The following PDE4DIP variants were observed in gnomAD, a reference collection of about 807,000 sequenced individuals.
PDE4DIP encodes phosphodiesterase 4D interacting protein.
Under a neutral mutation model 221.4 loss-of-function variants are expected in PDE4DIP, and 59 were observed. The observed-to-expected ratio is 0.27, with a 90% CI of 0.22 to 0.33. The LOEUF (loss-of-function observed/expected upper bound fraction) is 0.33. Among genes scored for constraint, PDE4DIP ranks in the 10% least tolerant of loss-of-function variants. The probability of loss-of-function intolerance (pLI) is 1.00; values close to 1 mark genes in which losing one functional copy is unlikely to be tolerated. For synonymous variants in PDE4DIP, 404 were observed against 815.9 expected (o/e 0.50, Z 8.60); for missense variants, 1,036 against 2,154.2 (o/e 0.48, Z 10.28).
intron 21 of PDE4DIP, chr1:148,986,114 C>G (rs1553549314): frequency 6.6e-6 from 1 of 152,146 alleles, no homozygotes; most frequent in Admixed American, 6.5e-5. Flanking sequence ...CATAACTTCA[C>G]GCTTGAACCT....
chr1:148,983,063 C>A, intron 21 of PDE4DIP: 1 of 152,170 alleles, frequency 6.6e-6, no homozygotes, highest in African/African-American at 2.4e-5. Flanking sequence ...AAAAAGGAGT[C>A]ATTTAAGGAA....
At chr1:148,818,642 T>C (rs587641898) in intron 1 of PDE4DIP, among the ~76,000 whole-genome samples, 8 of 8,310 alleles carry the variant, frequency 9.6e-4, no homozygotes, top group Admixed American at 1.2e-3. Context: ...GATATACCGA[T>C]CAGTATTCAG....
At chr1:148,934,762 C>G (rs1411435266) in intron 4 of PDE4DIP, among the ~76,000 whole-genome samples, 3 of 151,808 alleles carry the variant, frequency 2.0e-5, no homozygotes, top group East Asian at 4.0e-4. Context: ...CACCACCACG[C>G]CCAGCTAATT....
chr1:148,859,125 T>C, intron 1 of PDE4DIP, among the ~76,000 whole-genome samples: 1 of 36,562 alleles, frequency 2.7e-5, no homozygotes, highest in Admixed American at 3.1e-4. Context: ...TAAATGAAAC[T>C]ACCATTCTTA....
chr1:148,935,006 G>A (rs587605185), intron 4 of PDE4DIP, among the ~76,000 whole-genome samples: 4 of 151,964 alleles, frequency 2.6e-5, no homozygotes, highest in African/African-American at 7.2e-5. Flanking sequence ...GGCGGATCAC[G>A]AGATTAAGAC....
intron 19 of PDE4DIP, 54 bp downstream of exon 22, chr1:148,978,469 T>TC: frequency 2.4e-6 from 2 of 842,240 alleles, no homozygotes; most frequent in Admixed American, 3.1e-5. Flanking sequence ...TTTGTATTCT[T>TC]TTTTTTTTTT....
intron 5 of PDE4DIP, among the ~76,000 whole-genome samples, chr1:148,955,881 TG>T (rs1325809625): frequency 2.6e-5 from 4 of 151,486 alleles, no homozygotes; most frequent in Admixed American, 2.0e-4. Context: ...AATTAGGAGG[TG>T]GGAGAAAATG....
intron 21 of PDE4DIP, among the ~76,000 whole-genome samples, chr1:148,986,653 CGAA>C (rs1311724877): frequency 6.6e-6 from 1 of 152,022 alleles, no homozygotes; most frequent in Non-Finnish European, 1.5e-5. Flanking sequence ...TTTCTCCTCT[CGAA>C]GAAGTGAGAC....
chr1:149,029,757 G>C (rs1349036566), intron 41 of PDE4DIP, 30 bp from the exon 45 acceptor site: 1 of 1,167,726 alleles, frequency 8.6e-7, no homozygotes. Flanking sequence ...CCTTCTGCCT[G>C]GTCAGTAAGA....
At chr1:149,017,147 A>AG (rs1457843358) in intron 33 of PDE4DIP, among the ~76,000 whole-genome samples, 4 of 151,314 alleles carry the variant, frequency 2.6e-5, no homozygotes, top group Non-Finnish European at 4.4e-5. Flanking sequence ...GGCAGGGGGA[A>AG]GGGGGGTGTC....
chr1:148,952,092 A>T, intron 5 of PDE4DIP: 5 of 1,018,232 alleles, frequency 4.9e-6, no homozygotes, highest in Non-Finnish European at 5.9e-6. Flanking sequence ...CCTCCCCGCG[A>T]GGAGGAGCCT....
Position 148,832,813 on chromosome 1 carries a change from T to C in PDE4DIP, c.233+24076T>C, listed in dbSNP as rs369959537. Among the ~76,000 whole-genome samples, 14 of 134,768 alleles carry C rather than the reference T, an allele frequency of 1.0e-4. No homozygotes were observed. The East Asian group carries it at 2.3e-3, about 22-fold the overall frequency. The allele number at this position is 134,768 out of a possible 152,430, so 88.4% of individuals were successfully genotyped here. ...TGATCATGGTGGATAAGCTTTTTGA[T>C]GTGCTGCTGGATTCGGTTTGCCAGT... On this transcript the variant is annotated intron_variant, in intron 1 of 45. Transcript: ENST00000524974.
In PDE4DIP at chr1:148,986,927, A is replaced by C. The variant is rs587691859; in HGVS notation, c.2816-4958A>C. ...GCATCACAAAATAGGTGCAGTGGTC[A>C]TATCTCCTGGTCTGCCTGGGAGTCC... On this transcript the variant is annotated intron_variant, in intron 21 of 43. Coordinates refer to ENST00000369354, the Ensembl canonical transcript of PDE4DIP. Among the ~76,000 whole-genome samples the C allele has an allele frequency of 2.6e-4, 40 of 152,308 alleles. No individual in the cohort carries two copies. The South Asian group carries it at 7.2e-3, about 28-fold the overall frequency.
Position 148,975,291 on chromosome 1 carries a change from G to A in PDE4DIP, c.2319+686G>A, listed in dbSNP as rs377608158. On this transcript the variant is annotated intron_variant, in intron 17 of 43. Coordinates refer to ENST00000369354, the Ensembl canonical transcript of PDE4DIP. ...GAAATTAGATTTAGAAACATGAAAC[G>A]AGAAATTTGAGTATAATCAGTGTTT... 2.9e-4 allele frequency among the ~76,000 whole-genome samples: 42 copies of A among 146,924 alleles called. No individual in the cohort carries two copies. The East Asian group carries it at 5.7e-3, about 20-fold the overall frequency.
intron 5 of PDE4DIP, among the ~76,000 whole-genome samples, chr1:148,950,461 A>C (rs587638394): frequency 6.6e-6 from 1 of 152,302 alleles, no homozygotes; most frequent in South Asian, 2.1e-4. Context: ...ATAGCCTATG[A>C]TATTAGGCCA....
At chr1:148,940,672 T>C (rs1391727474) in intron 5 of PDE4DIP, among the ~76,000 whole-genome samples, 2 of 151,732 alleles carry the variant, frequency 1.3e-5, no homozygotes, top group African/African-American at 2.4e-5. Context: ...AATACCCAAG[T>C]TGGAAAGCTC....
chr1:148,937,554 G>T (rs1307078012), intron 4 of PDE4DIP, among the ~76,000 whole-genome samples, 193 bp from the exon 8 acceptor site: 13 of 152,136 alleles, frequency 8.5e-5, no homozygotes, highest in Non-Finnish European at 1.5e-4. Context: ...TAAGCAAAAA[G>T]TTGTTTGTGT....
intron 21 of PDE4DIP, among the ~76,000 whole-genome samples, chr1:148,986,702 A>C (rs192766385): frequency 1.9e-4 from 29 of 152,322 alleles, no homozygotes; most frequent in Admixed American, 1.7e-3. Flanking sequence ...CGGAAATGTC[A>C]CATAGGCTAC....
exon 31 of PDE4DIP, chr1:149,010,545 G>A (rs2068294220): frequency 6.2e-7 from 1 of 1,614,080 alleles, no homozygotes; most frequent in Non-Finnish European, 8.5e-7. Context: ...AACCCCATCA[G>A]CTTGCCAACT....
Sources: gnomAD v4.1 joint callset for allele counts (sites outside exome capture counted in the v4.1 genomes callset) on GRCh38, gnomAD v4.1.1 for gene constraint, MANE v1.5 for transcripts, NCBI Gene and HGNC (gene_info 2026-07-23, HGNC 2026-07-21) for gene names.